Variants in CTBP1 observed in about 807,000 individuals in gnomAD.
CTBP1 encodes C-terminal-binding protein 1.
In CTBP1, 11 loss-of-function variants were observed where a neutral mutation model predicts 42.1. The ratio of observed to expected loss-of-function variants is 0.26; its 90% CI spans 0.16 to 0.43. The LOEUF (loss-of-function observed/expected upper bound fraction) is 0.43. Ranked by LOEUF, CTBP1 falls within the 20% of genes least tolerant of loss-of-function variation. CTBP1 has a pLI of 1.00. For missense variants in CTBP1, 399 were observed against 624.3 expected (o/e 0.64, Z 3.85); for synonymous variants, 324 against 277.1 (o/e 1.17, Z -1.68).
At chr4:1,240,157 C>G (rs1182435429) in intron 2 of CTBP1, among the ~76,000 whole-genome samples, 3 of 151,028 alleles carry the variant, frequency 2.0e-5, no homozygotes, top group African/African-American at 7.3e-5. Context: ...TGAGTGGGAA[C>G]CGGGTCCCTC....
At position 1,241,451 on chromosome 4, in the gene CTBP1, C is replaced by T; in HGVS notation, c.-120G>A. ...AGCCTCATCCCACGTCCTTAATTGT[C>T]TCGAGCCAAAGTGCTCAGGCTTCTG... On this transcript the variant is annotated 5_prime_UTR_variant, in exon 2 of 10. Coordinates refer to ENST00000382952, the MANE Select transcript of CTBP1 (RefSeq NM_001012614.2). The T allele has an allele frequency of 1.3e-6, 2 of 1,592,772 alleles. No homozygotes were observed. Among genetic ancestry groups the T allele is most frequent in the Middle Eastern group, 1.7e-4 (1 of 6,022 alleles).
chr4:1,247,208 G>A (rs1387444592), intron 1 of CTBP1, among the ~76,000 whole-genome samples: 1 of 152,238 alleles, frequency 6.6e-6, no homozygotes, highest in Admixed American at 6.5e-5. Flanking sequence ...AGGCTGACAG[G>A]AAGAAGTGCA....
At chr4:1,237,920 T>C (rs1200389181) in intron 3 of CTBP1, 17 of 548,278 alleles carry the variant, frequency 3.1e-5, no homozygotes, top group Non-Finnish European at 5.0e-5. Flanking sequence ...AGGACAAACG[T>C]GGTGTCCACC....
chr4:1,224,365 G>C (rs545222800), intron 5 of CTBP1, among the ~76,000 whole-genome samples: 56 of 151,894 alleles, frequency 3.7e-4, no homozygotes, highest in Non-Finnish European at 7.4e-4. Context: ...TGTGTGCTGT[G>C]ATGTCCGTGT....
Position 1,232,722 on chromosome 4 carries a change from A to T in CTBP1, c.163-4379T>A, listed in dbSNP as rs146503384. 4.2e-3 allele frequency among the ~76,000 whole-genome samples: 647 copies of T among 152,372 alleles called. 5 individuals are homozygous for T. Among genetic ancestry groups the T allele is most frequent in the African/African-American group, 0.014 (591 of 41,584 alleles). On this transcript the variant is annotated intron_variant, in intron 3 of 9. Coordinates refer to ENST00000382952, the MANE Select transcript of CTBP1 (RefSeq NM_001012614.2). ...GTTCTGTATTGTCATAACCTCAGGT[A>T]ATAAACACATTCTCTTGCAAGCGTT...
intron 1 of CTBP1, chr4:1,244,278 T>C: frequency 1.0e-6 from 1 of 984,424 alleles, no homozygotes; most frequent in Non-Finnish European, 1.2e-6. Flanking sequence ...AGGGACCGGG[T>C]TGCCCCGGCA....
At chr4:1,246,565 A>G (rs1732743712) in intron 1 of CTBP1, among the ~76,000 whole-genome samples, 1 of 152,246 alleles carries the variant, frequency 6.6e-6, no homozygotes, top group Non-Finnish European at 1.5e-5. Flanking sequence ...TGCTGCCTGA[A>G]GAGTTCTCAG....
intron 1 of CTBP1, 199 bp downstream of exon 1, chr4:1,248,717 C>T: frequency 2.0e-6 from 2 of 981,572 alleles, no homozygotes; most frequent in Non-Finnish European, 2.4e-6. Context: ...ACGCAGCGGC[C>T]CGCGCATGCG....
In CTBP1 at chr4:1,244,855, C is replaced by A. The variant is rs888195640; in HGVS notation, c.-188-3336G>T. On this transcript the variant is annotated intron_variant, in intron 1 of 9. Coordinates refer to ENST00000382952, the MANE Select transcript of CTBP1 (RefSeq NM_001012614.2). ...TGGAGGCCCAAAGACTAGGGCCTGG[C>A]GGTGCTGCCCAGCCAGGGGCTGACA... 1.0e-5 allele frequency: 10 copies of A among 985,314 alleles called. No individual in the cohort carries two copies. The African/African-American group carries it at 1.0e-4, about 10-fold the overall frequency. The allele number at this position is 985,314 out of a possible 1,614,324, so 61.0% of individuals were successfully genotyped here.
At chr4:1,219,458 G>A (rs943163914) in intron 5 of CTBP1, among the ~76,000 whole-genome samples, 37 of 152,318 alleles carry the variant, frequency 2.4e-4, no homozygotes, top group African/African-American at 8.9e-4. Flanking sequence ...CTCAACATCA[G>A]ACCAATTAAT....
Position 1,238,486 on chromosome 4 carries a change from T to C in CTBP1, c.8-149A>G. Reference sequence around the variant, plus strand: ...GTTGTGATATTTGTAAAAAGTAAATTAAAAATCCACGTGAAAGACAACTCG... The same window carrying C: ...GTTGTGATATTTGTAAAAAGTAAATCAAAAATCCACGTGAAAGACAACTCG... On this transcript the variant is annotated intron_variant, in intron 2 of 9. Transcript: ENST00000382952. The surrounding 1 kb of genome is among the most constrained non-coding windows in gnomAD (Gnocchi z 5.9). 2 of 1,024,866 alleles carry C rather than the reference T, an allele frequency of 2.0e-6. No homozygotes were observed. The highest frequency in any genetic ancestry group is 2.7e-6 in the Non-Finnish European group (2 of 742,478). 63.5% of individuals were successfully genotyped at this position (1,024,866 alleles called of 1,614,324 possible).
chr4:1,239,915 A>G (rs2108791378), intron 2 of CTBP1, among the ~76,000 whole-genome samples: 1 of 152,360 alleles, frequency 6.6e-6, no homozygotes, highest in Admixed American at 6.5e-5. Context: ...CAGGCCGCCC[A>G]GTGACACTGT....
At chr4:1,243,473 C>T in intron 1 of CTBP1, 2 of 985,390 alleles carry the variant, frequency 2.0e-6, no homozygotes, top group Non-Finnish European at 2.4e-6. Flanking sequence ...AGGACAGACA[C>T]CTGAGGCCCA....
intron 1 of CTBP1, 112 bp downstream of exon 1, chr4:1,248,804 G>A (rs1733047376): frequency 1.2e-5 from 11 of 939,994 alleles, no homozygotes; most frequent in Admixed American, 6.4e-5. Flanking sequence ...CGCACACAAA[G>A]CCGGCGGCCC....
At chr4:1,213,107 G>C (rs768690903) in intron 8 of CTBP1, 77 bp from the exon 9 acceptor site, 1 of 1,227,684 alleles carries the variant, frequency 8.1e-7, no homozygotes, top group Admixed American at 1.8e-5. Flanking sequence ...TTGAAGACAC[G>C]GGCAGCAGGA....
chr4:1,240,232 G>GC (rs1214413860), intron 2 of CTBP1, among the ~76,000 whole-genome samples: 3 of 132,822 alleles, frequency 2.3e-5, no homozygotes, highest in Non-Finnish European at 3.3e-5. Flanking sequence ...CGTCGGAACC[G>GC]TGTGGGGCAC....
chr4:1,227,011 G>A (rs886292209), intron 4 of CTBP1, among the ~76,000 whole-genome samples: 4 of 152,048 alleles, frequency 2.6e-5, no homozygotes, highest in African/African-American at 9.7e-5. Flanking sequence ...GTACAACCTC[G>A]CCTGTTACCA....
At position 1,238,314 on chromosome 4, in the gene CTBP1, C is replaced by T. The variant is rs1240591630; in HGVS notation, c.31G>A (p.Gly11Arg). 2 of 1,581,218 alleles carry T rather than the reference C, an allele frequency of 1.3e-6. No homozygotes were observed. The highest frequency in any genetic ancestry group is 1.7e-6 in the Non-Finnish European group (2 of 1,159,304). The part of the protein sequence containing the change: MSGVRPPIMN[G>R]PLHPRPLVAL... ...ACCAGGGGCCGCGGGTGCAGGGGCC[C>T]GTTCATGATCGGAGGTCGGACGCCT... Residue 11 changes from glycine (G) to arginine (R), a missense_variant, in exon 3 of 10, where the codon GGG becomes AGG. By Grantham distance (125) the Gly-to-Arg change is moderately radical. Coordinates refer to ENST00000382952, the MANE Select transcript of CTBP1 (RefSeq NM_001012614.2). The surrounding 1 kb of genome is among the most constrained non-coding windows in gnomAD (Gnocchi z 5.9).
intron 1 of CTBP1, chr4:1,243,587 C>A (rs897903157): frequency 2.0e-6 from 2 of 985,326 alleles, no homozygotes; most frequent in South Asian, 9.4e-5. Flanking sequence ...ACAAAGCGCC[C>A]CCTGCCGGGC....
Sources: allele counts gnomAD v4.1 joint callset (sites outside exome capture counted in the v4.1 genomes callset), GRCh38; gene constraint gnomAD v4.1.1; non-coding constraint Gnocchi (gnomAD v3.1); transcripts MANE v1.5; gene names NCBI Gene and HGNC (gene_info 2026-07-23, HGNC 2026-07-21).